The following BMAL1 variants were observed in gnomAD, a reference collection of about 807,000 sequenced individuals.
The protein encoded by BMAL1 is basic helix-loop-helix ARNT-like protein 1.
the BMAL1 span, among the ~76,000 whole-genome samples, chr11:13,286,075 A>G: frequency 0.31 from 46,902 of 151,844 alleles, 7,280 homozygotes; most frequent in East Asian, 0.46. Flanking sequence ...TTTTTCTATA[A>G]GAAACAATGA....
At chr11:13,316,962 T>TAGACAAACCCACC in the BMAL1 span, among the ~76,000 whole-genome samples, 1 of 152,168 alleles carries the variant, frequency 6.6e-6, no homozygotes, top group Non-Finnish European at 1.5e-5. Context: ...CGTTGTGACT[T>TAGACAAACCCACC]AAGACAAACC....
At chr11:13,294,469 C>T in the BMAL1 span, among the ~76,000 whole-genome samples, 26 of 152,316 alleles carry the variant, frequency 1.7e-4, no homozygotes, top group Middle Eastern at 3.4e-3. Context: ...CAAATTAACA[C>T]TCTCAAGCCA....
the BMAL1 span, among the ~76,000 whole-genome samples, chr11:13,367,645 A>G: frequency 1.3e-5 from 2 of 151,128 alleles, no homozygotes; most frequent in South Asian, 4.2e-4. Context: ...GGGTTGCAGT[A>G]AGCTGAGATT....
chr11:13,366,018 T>TA, the BMAL1 span, among the ~76,000 whole-genome samples: 1 of 152,206 alleles, frequency 6.6e-6, no homozygotes, highest in Non-Finnish European at 1.5e-5. Flanking sequence ...AAATTAATGA[T>TA]AACTTATAGG....
chr11:13,372,370 G>A, the BMAL1 span: 2 of 1,614,126 alleles, frequency 1.2e-6, no homozygotes, highest in South Asian at 1.1e-5. Context: ...TATGTTTCTC[G>A]GCACGCGATA....
chr11:13,342,123 G>T, the BMAL1 span, among the ~76,000 whole-genome samples: 176 of 152,324 alleles, frequency 1.2e-3, no homozygotes, highest in African/African-American at 3.9e-3. Flanking sequence ...ATCCCATGTG[G>T]TCCTCCAGGT....
At chr11:13,327,220 C>T in the BMAL1 span, among the ~76,000 whole-genome samples, 2 of 136,346 alleles carry the variant, frequency 1.5e-5, no homozygotes, top group Non-Finnish European at 3.2e-5. Flanking sequence ...ATAGCAAGAC[C>T]ACTTCTCTTT....
chr11:13,362,307 A>G, the BMAL1 span, among the ~76,000 whole-genome samples: 3 of 152,056 alleles, frequency 2.0e-5, no homozygotes, highest in Non-Finnish European at 4.4e-5. Flanking sequence ...CCTGAATATG[A>G]ATTATTGTTA....
At chr11:13,313,284 A>G in the BMAL1 span, among the ~76,000 whole-genome samples, 1 of 151,944 alleles carries the variant, frequency 6.6e-6, no homozygotes, top group South Asian at 2.1e-4. Flanking sequence ...CTTTGTCCTT[A>G]GCTTCTGGTT....
chr11:13,332,717 T>C, the BMAL1 span, among the ~76,000 whole-genome samples: 1 of 152,212 alleles, frequency 6.6e-6, no homozygotes, highest in Non-Finnish European at 1.5e-5. Context: ...CTAGCAACTT[T>C]TCCTGTGTGT....
the BMAL1 span, chr11:13,379,229 G>C: frequency 5.1e-4 from 78 of 152,324 alleles, no homozygotes; most frequent in African/African-American, 1.8e-3. Context: ...CAGTCGAGAG[G>C]GAAGCAGTTA....
At chr11:13,276,737 A>T in the BMAL1 span, 3 of 152,186 alleles carry the variant, frequency 2.0e-5, no homozygotes, top group Non-Finnish European at 2.9e-5. Context: ...GGAGTTTAAC[A>T]TCTGGAAGAG....
the BMAL1 span, among the ~76,000 whole-genome samples, chr11:13,300,539 T>C: frequency 6.6e-6 from 1 of 152,218 alleles, no homozygotes; most frequent in Non-Finnish European, 1.5e-5. Flanking sequence ...TGTTTGTTCC[T>C]GAGTGTGGAG....
chr11:13,285,408 G>A, the BMAL1 span, among the ~76,000 whole-genome samples: 2 of 152,158 alleles, frequency 1.3e-5, no homozygotes, highest in African/African-American at 2.4e-5. Context: ...AGTGAAACAC[G>A]TTCATGCCTT....
chr11:13,379,581 T>A, the BMAL1 span: 3 of 152,248 alleles, frequency 2.0e-5, no homozygotes, highest in Non-Finnish European at 4.4e-5. Context: ...AAACAGTCCT[T>A]GACCTCAAGA....
the BMAL1 span, among the ~76,000 whole-genome samples, chr11:13,301,743 T>C: frequency 3.1e-3 from 479 of 152,314 alleles, 4 homozygotes; most frequent in African/African-American, 0.011. Context: ...TAGCACTTTA[T>C]GGAGAGTATC....
the BMAL1 span, among the ~76,000 whole-genome samples, chr11:13,377,947 C>CT: frequency 6.6e-6 from 1 of 152,210 alleles, no homozygotes; most frequent in Non-Finnish European, 1.5e-5. Context: ...TTGCCTCGTG[C>CT]TTGCCTGTCA....
At chr11:13,330,107 G>T in the BMAL1 span, among the ~76,000 whole-genome samples, 9 of 152,190 alleles carry the variant, frequency 5.9e-5, no homozygotes, top group Admixed American at 1.3e-4. Context: ...CAAGGAAAGG[G>T]CTTAATTTCA....
At chr11:13,336,127 TGTA>T in the BMAL1 span, among the ~76,000 whole-genome samples, 1 of 152,214 alleles carries the variant, frequency 6.6e-6, no homozygotes, top group East Asian at 1.9e-4. Flanking sequence ...CATAAGGATA[TGTA>T]GTAGAAGTCC....
Sources: allele counts gnomAD v4.1 joint callset (sites outside exome capture counted in the v4.1 genomes callset), GRCh38; gene constraint gnomAD v4.1.1; transcripts MANE v1.5; gene names NCBI Gene and HGNC (gene_info 2026-07-23, HGNC 2026-07-21).